TBCA: variants seen among roughly 807,000 people sequenced by gnomAD.
The protein encoded by TBCA is tubulin-specific chaperone A.
Under a neutral mutation model 15.8 loss-of-function variants are expected in TBCA, and 6 were observed. The ratio of observed to expected loss-of-function variants is 0.38; its 90% confidence interval spans 0.21 to 0.75. The LOEUF (loss-of-function observed/expected upper bound fraction) is 0.75. Ranked by LOEUF, TBCA falls within the 30% of genes least tolerant of loss-of-function variation. The pLI, the probability that TBCA is intolerant of heterozygous loss-of-function variation, is 0.46. For missense variants in TBCA, 90 were observed against 131.2 expected, an observed-to-expected ratio of 0.69 and a Z score of 1.53; for synonymous variants, 32 against 42.3, an observed-to-expected ratio of 0.76 and a Z score of 0.94.
rs545474294 is a variant in TBCA at position 77,703,855 on chromosome 5, C to T, written c.159+4387G>A. ...ATCTCATCTTGAATTGTAATCCATA[C>T]ATGTTAGGGAGGGACCTGGTGGGAG... is the stretch of plus-strand genomic sequence containing the variant. On this transcript the variant is annotated intron_variant, in intron 2 of 3. Transcript: ENST00000380377. Among the ~76,000 whole-genome samples the T allele has an allele frequency of 6.6e-5, 10 of 152,276 alleles. No individual in the cohort carries two copies. The South Asian group carries it at 1.0e-3, about 16-fold the overall frequency.
At chr5:77,733,720 C>CA (rs1478790577) in intron 1 of TBCA, among the ~76,000 whole-genome samples, 1 of 152,228 alleles carries the variant, frequency 6.6e-6, no homozygotes, top group Non-Finnish European at 1.5e-5. Context: ...GAAGCTACAG[C>CA]AAGTTATCCA....
At position 77,725,874 on chromosome 5, in the gene TBCA, C is replaced by T. The variant is rs117029800; in HGVS notation, c.54-17527G>A. On this transcript the variant is annotated intron_variant, in intron 1 of 3. Transcript: ENST00000380377. The stretch of plus-strand genomic sequence containing the variant: ...CGTCTTTGGAATGCAAATAACAAAA[C>T]GACAGGCTAATGAAAAAATGTCCCT... Among the ~76,000 whole-genome samples, 20 of 152,202 alleles carry T rather than the reference C, an allele frequency of 1.3e-4. No homozygotes were observed. The East Asian group carries it at 1.4e-3, about 10-fold the overall frequency.
At chr5:77,723,717 C>A (rs1746572706) in intron 1 of TBCA, among the ~76,000 whole-genome samples, 1 of 151,944 alleles carries the variant, frequency 6.6e-6, no homozygotes, top group African/African-American at 2.4e-5. Context: ...TTAAATCACT[C>A]ATTTATGTTA....
intron 1 of TBCA, among the ~76,000 whole-genome samples, chr5:77,727,832 T>A (rs1469769341): frequency 3.3e-5 from 5 of 152,030 alleles, no homozygotes; most frequent in Non-Finnish European, 7.4e-5. Flanking sequence ...TAAGACAAAG[T>A]CCAAAATACA....
At chr5:77,703,389 C>G (rs943185412) in intron 2 of TBCA, among the ~76,000 whole-genome samples, 33 of 152,186 alleles carry the variant, frequency 2.2e-4, no homozygotes, top group African/African-American at 7.7e-4. Context: ...CCTCTGTACC[C>G]AACCCTAATT....
intron 1 of TBCA, among the ~76,000 whole-genome samples, chr5:77,717,636 C>T (rs1274320965): frequency 6.6e-6 from 1 of 151,004 alleles, no homozygotes; most frequent in Non-Finnish European, 1.5e-5. Context: ...TCGAGGCTAC[C>T]GTGACCAACA....
In TBCA at chr5:77,751,795, C is replaced by A. The variant is rs1170421264; in HGVS notation, c.53+24410G>T. Among the ~76,000 whole-genome samples, 4 of 152,232 alleles carry A rather than the reference C, an allele frequency of 2.6e-5. No homozygotes were observed. In the East Asian group the frequency reaches 7.7e-4, roughly 29 times the overall value. ...TTTTATTATTACTCAAATCAGTCTC[C>A]CTGAGCATTCAGGGATCAGAGTTTC... On this transcript the variant is annotated intron_variant, in intron 1 of 3. Transcript: ENST00000380377.
intron 1 of TBCA, among the ~76,000 whole-genome samples, chr5:77,721,768 C>G (rs1470058718): frequency 6.6e-6 from 1 of 152,046 alleles, no homozygotes; most frequent in Non-Finnish European, 1.5e-5. Flanking sequence ...TCTTTCTTGT[C>G]TAAGTCACCT....
intron 1 of TBCA, among the ~76,000 whole-genome samples, chr5:77,740,714 C>T (rs1747011758): frequency 6.6e-6 from 1 of 152,070 alleles, no homozygotes; most frequent in East Asian, 1.9e-4. Context: ...ATGTGGCAGT[C>T]ATGAGCATAT....
chr5:77,740,081 G>T (rs755365380), intron 1 of TBCA, among the ~76,000 whole-genome samples: 2 of 152,112 alleles, frequency 1.3e-5, no homozygotes, highest in African/African-American at 2.4e-5. Context: ...TAAGCAGGGA[G>T]GCAGCATTCT....
At chr5:77,723,008 A>T (rs189471432) in intron 1 of TBCA, among the ~76,000 whole-genome samples, 21 of 151,936 alleles carry the variant, frequency 1.4e-4, no homozygotes, top group Admixed American at 1.2e-3. Flanking sequence ...TTTAAATTCC[A>T]ATTTAAAAGA....
At chr5:77,761,729 T>TGCAG (rs1747647380) in intron 1 of TBCA, among the ~76,000 whole-genome samples, 1 of 151,056 alleles carries the variant, frequency 6.6e-6, no homozygotes, top group Non-Finnish European at 1.5e-5. Flanking sequence ...GTAACTAAAA[T>TGCAG]GCAGGGAAGA....
intron 1 of TBCA, among the ~76,000 whole-genome samples, chr5:77,713,346 T>C (rs759637628): frequency 1.8e-4 from 27 of 152,130 alleles, no homozygotes; most frequent in Non-Finnish European, 3.5e-4. Context: ...AATAATCACT[T>C]CCAATGTCAT....
At chr5:77,712,245 C>G (rs1746295302) in intron 1 of TBCA, among the ~76,000 whole-genome samples, 1 of 152,114 alleles carries the variant, frequency 6.6e-6, no homozygotes, top group African/African-American at 2.4e-5. Flanking sequence ...TTTCCTACTT[C>G]TTGGCATCCT....
chr5:77,698,084 C>T (rs1317122409), intron 2 of TBCA, among the ~76,000 whole-genome samples: 2 of 151,540 alleles, frequency 1.3e-5, no homozygotes, highest in African/African-American at 4.9e-5. Flanking sequence ...CACACCACTG[C>T]ACTCCAGCCT....
At chr5:77,712,818 G>C (rs892298009) in intron 1 of TBCA, among the ~76,000 whole-genome samples, 10 of 152,180 alleles carry the variant, frequency 6.6e-5, no homozygotes, top group African/African-American at 2.2e-4. Flanking sequence ...CATTTCTCTA[G>C]ATGCTATTAT....
chr5:77,751,617 C>A (rs992232061), intron 1 of TBCA, among the ~76,000 whole-genome samples: 1 of 152,224 alleles, frequency 6.6e-6, no homozygotes, highest in Non-Finnish European at 1.5e-5. Context: ...GAGGCAACAT[C>A]AATGGCCACC....
chr5:77,710,661 A>G (rs1580099582), intron 1 of TBCA, among the ~76,000 whole-genome samples: 1 of 152,104 alleles, frequency 6.6e-6, no homozygotes, highest in Admixed American at 6.6e-5. Flanking sequence ...TACTGGCTGG[A>G]GCTAAGTAGT....
chr5:77,749,836 T>C (rs1196165856), intron 1 of TBCA, among the ~76,000 whole-genome samples: 1 of 152,234 alleles, frequency 6.6e-6, no homozygotes, highest in Non-Finnish European at 1.5e-5. Context: ...AGACTAGTTT[T>C]TTTTAAATGT....
Sources: allele counts gnomAD v4.1 joint callset (sites outside exome capture counted in the v4.1 genomes callset), GRCh38; gene constraint gnomAD v4.1.1; transcripts MANE v1.5; gene names NCBI Gene and HGNC (gene_info 2026-07-23, HGNC 2026-07-21).